ST6GALNAC3: variants seen among roughly 807,000 people sequenced by gnomAD.
The protein encoded by ST6GALNAC3 is alpha-N-acetylgalactosaminide alpha-2,6-sialyltransferase 3.
ST6GALNAC3 carries 25 observed loss-of-function variants against 32.7 expected under a neutral mutation model. The observed-to-expected ratio is 0.76, with a 90% confidence interval of 0.56 to 1.07. The LOEUF (loss-of-function observed/expected upper bound fraction) is 1.07. ST6GALNAC3 is among the 50% of genes least tolerant of loss of function. The probability of loss-of-function intolerance (pLI) is 0.00; values close to 1 mark genes in which losing one functional copy is unlikely to be tolerated. For missense variants in ST6GALNAC3, 355 were observed against 382.4 expected, an observed-to-expected ratio of 0.93 and a Z score of 0.60; for synonymous variants, 129 against 133.1, an observed-to-expected ratio of 0.97 and a Z score of 0.21.
intron 3 of ST6GALNAC3, among the ~76,000 whole-genome samples, chr1:76,499,538 C>T (rs1465262076): frequency 2.0e-5 from 3 of 152,128 alleles, no homozygotes; most frequent in Non-Finnish European, 4.4e-5. Context: ...CGGTTCTACT[C>T]AGTTCTCCTT....
intron 3 of ST6GALNAC3, among the ~76,000 whole-genome samples, chr1:76,464,961 T>A (rs1557445462): frequency 6.6e-6 from 1 of 152,098 alleles, no homozygotes; most frequent in East Asian, 1.9e-4. Context: ...ATGTTTGGCA[T>A]CAGGTTTAAG....
At chr1:76,374,979 G>A (rs1651108512) in intron 2 of ST6GALNAC3, among the ~76,000 whole-genome samples, 1 of 152,098 alleles carries the variant, frequency 6.6e-6, no homozygotes, top group African/African-American at 2.4e-5. Flanking sequence ...TATAACAACA[G>A]TCATTGAGCT....
chr1:76,107,342 G>C (rs1647606787), intron 1 of ST6GALNAC3, among the ~76,000 whole-genome samples: 1 of 134,358 alleles, frequency 7.4e-6, no homozygotes, highest in African/African-American at 2.8e-5. Context: ...AATGAGATCT[G>C]TCCTCTTTTT....
At chr1:76,193,476 G>A (rs1459306011) in intron 1 of ST6GALNAC3, among the ~76,000 whole-genome samples, 5 of 151,850 alleles carry the variant, frequency 3.3e-5, no homozygotes, top group East Asian at 1.9e-4. Flanking sequence ...ACATAACTAC[G>A]GTATATTTAT....
At chr1:76,570,921 A>G (rs1665824042) in intron 3 of ST6GALNAC3, among the ~76,000 whole-genome samples, 1 of 151,804 alleles carries the variant, frequency 6.6e-6, no homozygotes, top group Non-Finnish European at 1.5e-5. Flanking sequence ...GCCTGCTGAG[A>G]CTCAAATACC....
At chr1:76,244,749 TG>T (rs1444755880) in intron 1 of ST6GALNAC3, among the ~76,000 whole-genome samples, 3 of 152,218 alleles carry the variant, frequency 2.0e-5, no homozygotes, top group African/African-American at 7.2e-5. Context: ...ATACGTTTAT[TG>T]ATTAGCGCAT....
chr1:76,329,713 CAA>C (rs1364991411), intron 2 of ST6GALNAC3, among the ~76,000 whole-genome samples: 1 of 152,144 alleles, frequency 6.6e-6, no homozygotes, highest in African/African-American at 2.4e-5. Context: ...TTAGGTTTTA[CAA>C]AGTTTGTTGA....
intron 1 of ST6GALNAC3, among the ~76,000 whole-genome samples, chr1:76,088,246 C>T (rs941553407): frequency 4.6e-5 from 7 of 152,086 alleles, no homozygotes; most frequent in African/African-American, 1.2e-4. Flanking sequence ...AACAGATGCG[C>T]CTATGACCAC....
At chr1:76,099,206 C>T (rs182337673) in intron 1 of ST6GALNAC3, among the ~76,000 whole-genome samples, 9 of 152,242 alleles carry the variant, frequency 5.9e-5, no homozygotes, top group Non-Finnish European at 1.3e-4. Context: ...AGCCAAACCT[C>T]CCACCTTGCT....
At chr1:76,154,800 C>A (rs1396742857) in intron 1 of ST6GALNAC3, among the ~76,000 whole-genome samples, 6 of 152,094 alleles carry the variant, frequency 3.9e-5, no homozygotes, top group African/African-American at 7.2e-5. Context: ...AGACTGCATG[C>A]AGGCAAGGGA....
chr1:76,594,584 G>A (rs2100599302), intron 3 of ST6GALNAC3, among the ~76,000 whole-genome samples: 1 of 152,234 alleles, frequency 6.6e-6, no homozygotes, highest in African/African-American at 2.4e-5. Context: ...ATAAATAGAT[G>A]GATGGATGAA....
chr1:76,265,366 T>A (rs1658470482), intron 1 of ST6GALNAC3, among the ~76,000 whole-genome samples: 1 of 152,148 alleles, frequency 6.6e-6, no homozygotes, highest in South Asian at 2.1e-4. Context: ...AGCCCAGCAT[T>A]GCTAATCATT....
chr1:76,210,397 G>A (rs1655084072), intron 1 of ST6GALNAC3, among the ~76,000 whole-genome samples: 2 of 152,106 alleles, frequency 1.3e-5, no homozygotes, highest in Admixed American at 6.6e-5. Context: ...TATTTAGCAG[G>A]TGTTTCCTGT....
At chr1:76,525,109 G>T (rs979635646) in intron 3 of ST6GALNAC3, among the ~76,000 whole-genome samples, 2 of 152,102 alleles carry the variant, frequency 1.3e-5, no homozygotes, top group East Asian at 3.9e-4. Context: ...AAGAAAATGA[G>T]TAACAATATA....
At chr1:76,519,180 T>C (rs1360588379) in intron 3 of ST6GALNAC3, among the ~76,000 whole-genome samples, 1 of 152,138 alleles carries the variant, frequency 6.6e-6, no homozygotes. Context: ...TTTTTGTTTT[T>C]CCTCAAATAT....
rs537678402 is a variant in ST6GALNAC3 at position 76,198,936 on chromosome 1, G to A, written c.19-114869G>A. Among the ~76,000 whole-genome samples, 7 of 152,226 alleles carry A rather than the reference G, an allele frequency of 4.6e-5. No homozygotes were observed. In the South Asian group the frequency reaches 8.3e-4, roughly 18 times the overall value. Reference sequence around the variant, plus strand: ...TGGGAAGGCCTGGGGACTAAGAGCCGGTCCTGGGTGACACCAGGTAGATCA... The same window carrying A: ...TGGGAAGGCCTGGGGACTAAGAGCCAGTCCTGGGTGACACCAGGTAGATCA... On this transcript the variant is annotated intron_variant, in intron 1 of 4. Transcript: ENST00000328299.
intron 3 of ST6GALNAC3, among the ~76,000 whole-genome samples, chr1:76,520,142 G>A (rs1662422131): frequency 1.3e-5 from 2 of 151,886 alleles, no homozygotes; most frequent in African/African-American, 4.8e-5. Flanking sequence ...TCTATCAAAT[G>A]TTTAGTAATT....
At chr1:76,220,533 A>C (rs966222814) in intron 1 of ST6GALNAC3, among the ~76,000 whole-genome samples, 15 of 152,228 alleles carry the variant, frequency 9.9e-5, no homozygotes, top group African/African-American at 3.4e-4. Context: ...CAGATCTTGT[A>C]ATCTATCAAC....
intron 3 of ST6GALNAC3, among the ~76,000 whole-genome samples, chr1:76,580,480 A>C (rs964900378): frequency 6.6e-6 from 1 of 152,170 alleles, no homozygotes; most frequent in Non-Finnish European, 1.5e-5. Flanking sequence ...AGAAACACAA[A>C]AGTGCCAGAA....
Sources: gnomAD v4.1 joint callset for allele counts (sites outside exome capture counted in the v4.1 genomes callset) on GRCh38, gnomAD v4.1.1 for gene constraint, MANE v1.5 for transcripts, NCBI Gene and HGNC (gene_info 2026-07-23, HGNC 2026-07-21) for gene names.